The following HMMR variants were observed in gnomAD, a reference collection of about 807,000 sequenced individuals.
HMMR encodes intracellular hyaluronic acid-binding protein.
HMMR carries 108 observed loss-of-function variants against 101.0 expected under a neutral mutation model. The ratio of observed to expected loss-of-function variants is 1.07; its 90% CI spans 0.92 to 1.25. The LOEUF (loss-of-function observed/expected upper bound fraction) is 1.25, where lower values mean the gene tolerates loss of function less well. HMMR is among the 50% of genes most tolerant of loss of function. The pLI, the probability that HMMR is intolerant of heterozygous loss-of-function variation, is 0.00. For synonymous variants in HMMR, 296 were observed against 276.4 expected, an observed-to-expected ratio of 1.07 and a Z score of -0.70; for missense variants, 813 against 788.7, an observed-to-expected ratio of 1.03 and a Z score of -0.37.
chr5:163,479,873 A>G (rs1182840680), intron 12 of HMMR, among the ~76,000 whole-genome samples: 1 of 151,976 alleles, frequency 6.6e-6, no homozygotes, highest in Non-Finnish European at 1.5e-5. Context: ...CCTTCTACTT[A>G]TTTTCTCCTT....
chr5:163,481,427 T>C (rs2113500553), intron 12 of HMMR, among the ~76,000 whole-genome samples: 1 of 152,304 alleles, frequency 6.6e-6, no homozygotes, highest in South Asian at 2.1e-4. Context: ...ACTATCCATA[T>C]ACTCGTGGCA....
In HMMR at chr5:163,484,138, C is replaced by T. The variant is rs1219910791; in HGVS notation, c.1855C>T (p.Leu619=). The change falls in exon 16 of 18, where the codon CTA becomes TTA. Residue 619 remains leucine (L), a synonymous_variant. Transcript: ENST00000393915. Reference sequence around the variant, plus strand: ...TGAACATGGTGCAGCTCAGGAACAGCTAAATAAAATAAGAGATTCATATGC... The same window carrying T: ...TGAACATGGTGCAGCTCAGGAACAGTTAAATAAAATAAGAGATTCATATGC... ...LNEHGAAQEQ[L]NKIRDSYAKL... is the part of the protein sequence containing the mutation. The T allele has an allele frequency of 6.2e-7, 1 of 1,603,142 alleles. No individual in the cohort carries two copies. Among genetic ancestry groups the T allele is most frequent in the South Asian group, 1.1e-5 (1 of 89,970 alleles).
At chr5:163,484,358 G>C in intron 16 of HMMR, 113 bp downstream of exon 16, 1 of 583,352 alleles carries the variant, frequency 1.7e-6, no homozygotes, top group South Asian at 2.8e-5. Context: ...ACTGTTTATA[G>C]AGGAAAATTG....
Position 163,472,155 on chromosome 5 carries a change from A to C in HMMR, c.650+692A>C, listed in dbSNP as rs1758916807. On this transcript the variant is annotated intron_variant, in intron 7 of 17. Coordinates refer to ENST00000393915, the MANE Select transcript of HMMR (RefSeq NM_001142556.2). The stretch of plus-strand genomic sequence containing the variant: ...CTGGCCTTCAGAGTGCTGGAGTTAT[A>C]GACATGGGCCACTATACCTGGCCAG... Among the ~76,000 whole-genome samples the C allele has an allele frequency of 1.3e-5, 2 of 151,914 alleles. 1 individual carries two copies.
At chr5:163,489,087 A>G (rs1472807141) in intron 16 of HMMR, among the ~76,000 whole-genome samples, 1 of 152,234 alleles carries the variant, frequency 6.6e-6, no homozygotes, top group African/African-American at 2.4e-5. Flanking sequence ...GTTCCACCTC[A>G]GATCATGAGG....
intron 1 of HMMR, among the ~76,000 whole-genome samples, chr5:163,462,642 C>T (rs1442453749): frequency 6.6e-6 from 1 of 151,928 alleles, no homozygotes; most frequent in African/African-American, 2.4e-5. Context: ...GCCTGGCCAA[C>T]ATGGTGAAAC....
rs1758491748 is a variant in HMMR at position 163,460,703 on chromosome 5, C to T, written c.11C>T (p.Pro4Leu). 1 of 1,607,438 alleles carries T rather than the reference C, an allele frequency of 6.2e-7. No individual in the cohort carries two copies. Among genetic ancestry groups the T allele is most frequent in the Non-Finnish European group, 8.5e-7 (1 of 1,176,886 alleles). The change falls in exon 1 of 18, where the codon CCT becomes CTT. Residue 4 changes from proline to leucine, a missense_variant. Physicochemically the swap from Pro to Leu is moderately conservative, Grantham distance 98. Coordinates refer to ENST00000393915, the MANE Select transcript of HMMR (RefSeq NM_001142556.2). ...GAGCTGGCCGTCAACATGTCCTTTC[C>T]TAAGGCGCCCTTGAAACGATTCAAT... MSFPKAPLKRFNDP... is the reference protein window; with the variant it reads MSFLKAPLKRFNDP...
In HMMR at chr5:163,490,455, A is replaced by G; in HGVS notation, c.2028A>G (p.Glu676=). Residue 676 remains glutamate (E), a synonymous_variant, in exon 17 of 18, where the codon GAA becomes GAG. Transcript: ENST00000393915. The part of the protein sequence containing the change: ...KKQSETKLQE[E]LNKVLGIKHF... ...AAAGTGAGACAAAACTTCAAGAGGA[A>G]TTGAATAAAGTTCTAGGTATCAAAC... is the stretch of plus-strand genomic sequence containing the variant. 1 of 1,599,650 alleles carries G rather than the reference A, an allele frequency of 6.3e-7. No individual in the cohort carries two copies. The highest frequency in any genetic ancestry group is 8.5e-7 in the Non-Finnish European group (1 of 1,174,442).
chr5:163,469,614 A>G, intron 4 of HMMR, 27 bp from the exon 5 acceptor site: 1 of 1,586,860 alleles, frequency 6.3e-7, no homozygotes, highest in Non-Finnish European at 8.6e-7. Context: ...TCAGTGAATC[A>G]TTTATTATCA....
chr5:163,463,963 G>C lies in HMMR; in HGVS notation c.145+9G>C. ...ATTTAAACAACAAAAAGGTAATATAGATCACCAAAGAACAATGGTTATGTG... is the reference window on the plus strand; with the variant it reads ...ATTTAAACAACAAAAAGGTAATATACATCACCAAAGAACAATGGTTATGTG... On this transcript the variant is annotated intron_variant, in intron 2 of 17. Coordinates refer to ENST00000393915, the MANE Select transcript of HMMR (RefSeq NM_001142556.2). 2.2e-6 allele frequency: 2 copies of C among 927,478 alleles called. No homozygotes were observed. The highest frequency in any genetic ancestry group is 3.8e-5 in the South Asian group (2 of 52,176). The allele number at this position is 927,478 out of a possible 1,614,324, so 57.5% of individuals were successfully genotyped here.
At chr5:163,462,888 G>C (rs1313231685) in intron 1 of HMMR, among the ~76,000 whole-genome samples, 2 of 151,706 alleles carry the variant, frequency 1.3e-5, no homozygotes, top group African/African-American at 4.8e-5. Context: ...CAAACATTTA[G>C]GGGACAGCAG....
chr5:163,472,638 G>T (rs545944018), intron 7 of HMMR, among the ~76,000 whole-genome samples: 1 of 152,148 alleles, frequency 6.6e-6, no homozygotes, highest in South Asian at 2.1e-4. Flanking sequence ...CTACTAGGTA[G>T]GAAGTGGTAT....
intron 12 of HMMR, among the ~76,000 whole-genome samples, chr5:163,481,487 C>T (rs1759258682): frequency 6.6e-6 from 1 of 152,162 alleles, no homozygotes; most frequent in African/African-American, 2.4e-5. Flanking sequence ...TCCATATTCA[C>T]ATATCCAGTT....
At chr5:163,473,630 C>A in intron 9 of HMMR, 73 bp downstream of exon 9, 1 of 845,126 alleles carries the variant, frequency 1.2e-6, no homozygotes, top group Non-Finnish European at 1.8e-6. Flanking sequence ...TACTACTATG[C>A]TAAAACAACC....
chr5:163,471,453 G>C lies in HMMR; in HGVS notation c.640G>C (p.Glu214Gln), dbSNP rs1337552623. Residue 214 changes from glutamate to glutamine, a missense_variant, in exon 7 of 18, where the codon GAG becomes CAG. Glu to Gln is a conservative substitution (Grantham distance 29). Coordinates refer to ENST00000393915, the MANE Select transcript of HMMR (RefSeq NM_001142556.2). ...GTCTCAAGGGAAAATAGCCCAACTG[G>C]AGGGAAAACTGTAAGTGAGTGAATG... ...EESQGKIAQL[E>Q]GKLVSIEKEK... is the part of the protein sequence containing the mutation. 1 of 1,607,744 alleles carries C rather than the reference G, an allele frequency of 6.2e-7. No individual in the cohort carries two copies. The highest frequency in any genetic ancestry group is 2.2e-5 in the East Asian group (1 of 44,860).
chr5:163,485,289 T>C (rs1759439217), intron 16 of HMMR, among the ~76,000 whole-genome samples: 1 of 152,184 alleles, frequency 6.6e-6, no homozygotes, highest in Non-Finnish European at 1.5e-5. Context: ...CCAATCTATA[T>C]TCTACAGGCG....
intron 1 of HMMR, among the ~76,000 whole-genome samples, chr5:163,462,952 A>T (rs7712023): frequency 0.41 from 62,074 of 151,710 alleles, 13,281 homozygotes; most frequent in Non-Finnish European, 0.49. Context: ...TTTGCATGAG[A>T]CTCTAGACTG....
intron 3 of HMMR, chr5:163,465,226 G>A (rs997201882): frequency 6.0e-6 from 1 of 166,002 alleles, no homozygotes; most frequent in Non-Finnish European, 1.3e-5. Flanking sequence ...CTGTTAAGGA[G>A]TGGTGAGAGA....
chr5:163,475,176 C>T lies in HMMR; in HGVS notation c.1054-282C>T, dbSNP rs140837401. ...TGAAAAATAATGTTAATATCAAAGC[C>T]AGTTGTAAAACAGATATATATATAT... On this transcript the variant is annotated intron_variant, in intron 10 of 17. Transcript: ENST00000393915. Among the ~76,000 whole-genome samples the T allele has an allele frequency of 3.5e-3, 526 of 151,770 alleles. 3 individuals are homozygous for T. The highest frequency in any genetic ancestry group is 0.012 in the African/African-American group (501 of 41,432).
Sources: allele counts gnomAD v4.1 joint callset (sites outside exome capture counted in the v4.1 genomes callset), GRCh38; gene constraint gnomAD v4.1.1; transcripts MANE v1.5; gene names NCBI Gene and HGNC (gene_info 2026-07-23, HGNC 2026-07-21).